The following LSAMP variants were observed in gnomAD, a reference collection of about 807,000 sequenced individuals.
LSAMP encodes limbic system-associated membrane protein.
Under a neutral mutation model 38.6 loss-of-function variants are expected in LSAMP, and 7 were observed. The observed-to-expected ratio is 0.18, with a 90% confidence interval of 0.10 to 0.34. The LOEUF is 0.34. LSAMP is among the 10% of genes least tolerant of loss of function. The pLI is 1.00. For missense variants in LSAMP, 313 were observed against 420.0 expected (o/e 0.75, Z 2.23); for synonymous variants, 154 against 166.8 (o/e 0.92, Z 0.59).
At chr3:116,273,197 C>T (rs920314369) in intron 1 of LSAMP, among the ~76,000 whole-genome samples, 13 of 152,026 alleles carry the variant, frequency 8.6e-5, no homozygotes, top group Non-Finnish European at 1.6e-4. Context: ...ATCCTATCTC[C>T]ACCTCATCTT....
intron 1 of LSAMP, among the ~76,000 whole-genome samples, chr3:116,112,661 T>C (rs755623531): frequency 6.6e-6 from 1 of 152,086 alleles, no homozygotes; most frequent in Non-Finnish European, 1.5e-5. Flanking sequence ...AGAGTGGATC[T>C]GGTGGCATCC....
At chr3:116,169,774 G>A (rs1411768220) in intron 1 of LSAMP, among the ~76,000 whole-genome samples, 1 of 152,186 alleles carries the variant, frequency 6.6e-6, no homozygotes, top group African/African-American at 2.4e-5. Flanking sequence ...TCAGCTGGGA[G>A]TATTTCTTAA....
chr3:116,382,823 T>G (rs2048579606), intron 1 of LSAMP, among the ~76,000 whole-genome samples: 1 of 152,110 alleles, frequency 6.6e-6, no homozygotes, highest in South Asian at 2.1e-4. Context: ...CTTTCCTTAT[T>G]TGACTTCAAG....
At chr3:115,966,933 G>T (rs1381774196) in intron 3 of LSAMP, among the ~76,000 whole-genome samples, 1 of 152,136 alleles carries the variant, frequency 6.6e-6, no homozygotes, top group African/African-American at 2.4e-5. Flanking sequence ...GCATCCTGAA[G>T]GAAGGGGAAG....
In LSAMP at chr3:116,215,660, C is replaced by G. The variant is rs72945954; in HGVS notation, c.156-129104G>C. Among the ~76,000 whole-genome samples the G allele has an allele frequency of 1.7e-3, 254 of 152,248 alleles. 2 individuals carry two copies. Among genetic ancestry groups the G allele is most frequent in the African/African-American group, 5.9e-3 (244 of 41,544 alleles). ...GAATCTTACCCTAAACTTTAATTAG[C>G]TGCCAAGCAATCAGAGAGATGCATT... On this transcript the variant is annotated intron_variant, in intron 1 of 6. Coordinates refer to ENST00000490035, the MANE Select transcript of LSAMP (RefSeq NM_002338.5).
chr3:116,339,262 C>G (rs1361992126), intron 1 of LSAMP, among the ~76,000 whole-genome samples: 1 of 151,066 alleles, frequency 6.6e-6, no homozygotes, highest in African/African-American at 2.4e-5. Context: ...ACTACATATT[C>G]CTGTACTCCC....
chr3:116,105,591 C>A (rs141638392), intron 1 of LSAMP, among the ~76,000 whole-genome samples: 21,219 of 151,920 alleles, frequency 0.14, 1,709 homozygotes, highest in Non-Finnish European at 0.19. Flanking sequence ...AGCTTCTGAG[C>A]CAGGAGAAGG....
intron 6 of LSAMP, among the ~76,000 whole-genome samples, chr3:115,835,473 G>A (rs1934752547): frequency 6.6e-6 from 1 of 152,096 alleles, no homozygotes; most frequent in Non-Finnish European, 1.5e-5. Context: ...ATATAGAATG[G>A]AATAGTAGGG....
At chr3:116,054,459 A>G (rs908678019) in intron 2 of LSAMP, among the ~76,000 whole-genome samples, 1 of 152,158 alleles carries the variant, frequency 6.6e-6, no homozygotes, top group Non-Finnish European at 1.5e-5. Flanking sequence ...CAGAGAATAA[A>G]GCAGGGGTGA....
chr3:115,810,138 T>C lies in LSAMP; in HGVS notation c.*179A>G, dbSNP rs1933769125. On this transcript the variant is annotated 3_prime_UTR_variant, in exon 7 of 7. Transcript: ENST00000490035. Reference sequence around the variant, plus strand: ...TTAATGATGGACTGTAAAATTGTTTTAAATGTTGTATTTTCTTCTTCACTT... The same window carrying C: ...TTAATGATGGACTGTAAAATTGTTTCAAATGTTGTATTTTCTTCTTCACTT... 1 of 573,144 alleles carries C rather than the reference T, an allele frequency of 1.7e-6. No homozygotes were observed. The highest frequency in any genetic ancestry group is 3.1e-6 in the Non-Finnish European group (1 of 324,568). The allele number at this position is 573,144 out of a possible 1,614,324, so 35.5% of individuals were successfully genotyped here.
At chr3:115,931,565 C>T (rs1458541739) in intron 3 of LSAMP, among the ~76,000 whole-genome samples, 1 of 152,124 alleles carries the variant, frequency 6.6e-6, no homozygotes, top group Non-Finnish European at 1.5e-5. Flanking sequence ...CGTGTCTCCA[C>T]CCCCATCATG....
At chr3:115,861,883 A>G (rs10934309) in intron 3 of LSAMP, among the ~76,000 whole-genome samples, 29,442 of 152,070 alleles carry the variant, frequency 0.19, 3,641 homozygotes, top group African/African-American at 0.33. Context: ...TGGAGCAGGG[A>G]CTGCAGAACA....
intron 3 of LSAMP, among the ~76,000 whole-genome samples, chr3:115,863,159 T>C (rs988602819): frequency 6.6e-6 from 1 of 152,238 alleles, no homozygotes; most frequent in Admixed American, 6.5e-5. Context: ...TCACTTCATT[T>C]AAAAAGCGCT....
chr3:116,016,241 C>T (rs1297259999), intron 3 of LSAMP, among the ~76,000 whole-genome samples: 1 of 152,012 alleles, frequency 6.6e-6, no homozygotes, highest in Non-Finnish European at 1.5e-5. Context: ...TATAAAATAG[C>T]AAAGGAAAGT....
intron 1 of LSAMP, among the ~76,000 whole-genome samples, chr3:116,440,884 G>A (rs1316880089): frequency 1.3e-5 from 2 of 152,202 alleles, no homozygotes; most frequent in Non-Finnish European, 2.9e-5. Context: ...ATAGTGAATT[G>A]TAAGTCATAG....
At position 116,282,164 on chromosome 3, in the gene LSAMP, A is replaced by G. The variant is rs534245494; in HGVS notation, c.155+162713T>C. ...TGGGCAGGACTTCATTGAAATAGTG[A>G]GAGTTTGGTTTGATGTTACAAGGAC... On this transcript the variant is annotated intron_variant, in intron 1 of 6. Coordinates refer to ENST00000490035, the MANE Select transcript of LSAMP (RefSeq NM_002338.5). 1.6e-4 allele frequency among the ~76,000 whole-genome samples: 25 copies of G among 152,300 alleles called. No homozygotes were observed. The South Asian group carries it at 4.1e-3, about 25-fold the overall frequency.
At chr3:116,430,729 A>T (rs2049269263) in intron 1 of LSAMP, among the ~76,000 whole-genome samples, 1 of 152,016 alleles carries the variant, frequency 6.6e-6, no homozygotes, top group Non-Finnish European at 1.5e-5. Flanking sequence ...TAGTAGGGAT[A>T]AATAATTTAT....
chr3:116,230,198 A>G (rs1436979284), intron 1 of LSAMP, among the ~76,000 whole-genome samples: 1 of 152,056 alleles, frequency 6.6e-6, no homozygotes, highest in African/African-American at 2.4e-5. Flanking sequence ...GAATGCACTT[A>G]TTGAGTCTTT....
At chr3:115,904,393 A>G (rs1189955095) in intron 3 of LSAMP, among the ~76,000 whole-genome samples, 1 of 152,128 alleles carries the variant, frequency 6.6e-6, no homozygotes, top group Non-Finnish European at 1.5e-5. Flanking sequence ...GATCTAGTGG[A>G]TACAAATCTT....
Sources: allele counts gnomAD v4.1 joint callset (sites outside exome capture counted in the v4.1 genomes callset), GRCh38; gene constraint gnomAD v4.1.1; transcripts MANE v1.5; gene names NCBI Gene and HGNC (gene_info 2026-07-23, HGNC 2026-07-21).